Variants in PLXNB2 observed in about 807,000 individuals in gnomAD.
The protein encoded by PLXNB2 is plexin B2, also known as plexin-B2.
A neutral mutation model predicts 202.6 loss-of-function variants in PLXNB2; 85 were observed. That is an observed-to-expected ratio of 0.42 (90% CI 0.35 to 0.50). The LOEUF (loss-of-function observed/expected upper bound fraction) is 0.50, where lower values mean the gene tolerates loss of function less well. PLXNB2 is among the 20% of genes least tolerant of loss of function. The probability of loss-of-function intolerance (pLI) is 0.02; values close to 1 mark genes in which losing one functional copy is unlikely to be tolerated. For missense variants in PLXNB2, 2,063 were observed against 2,586.2 expected (o/e 0.80, Z 4.39); for synonymous variants, 1,239 against 1,137.6 (o/e 1.09, Z -1.79).
intron 1 of PLXNB2, among the ~76,000 whole-genome samples, chr22:50,298,187 G>A (rs1038837117): frequency 6.6e-6 from 1 of 152,252 alleles, no homozygotes; most frequent in Admixed American, 6.5e-5. Flanking sequence ...CAGAAGACCT[G>A]TCCCCGCAGG....
intron 1 of PLXNB2, 67 bp downstream of exon 1, chr22:50,307,486 C>G: frequency 2.3e-6 from 2 of 885,674 alleles, no homozygotes; most frequent in Non-Finnish European, 2.7e-6. Context: ...CGGAGCGGCG[C>G]TGACGGCGAA....
In PLXNB2 at chr22:50,280,473, C is replaced by T. The variant is rs1200514259; in HGVS notation, c.4175+16G>A. 6.3e-7 allele frequency: 1 copy of T among 1,589,478 alleles called. No homozygotes were observed. Among genetic ancestry groups the T allele is most frequent in the South Asian group, 1.1e-5 (1 of 89,966 alleles). On this transcript the variant is annotated intron_variant, in intron 25 of 36. Transcript: ENST00000359337. ...GCCCCGCCCGTGGCCCCGCTCGTGG[C>T]CCCGCCCATGTGCACCTGCGCAGCA... is the stretch of plus-strand genomic sequence containing the variant.
At position 50,302,537 on chromosome 22, in the gene PLXNB2, G is replaced by A. The variant is rs147612116; in HGVS notation, c.-74+5016C>T. Among the ~76,000 whole-genome samples the A allele has an allele frequency of 2.6e-4, 40 of 152,226 alleles. No homozygotes were observed. The East Asian group carries it at 4.7e-3, about 18-fold the overall frequency. On this transcript the variant is annotated intron_variant, in intron 1 of 36. Transcript: ENST00000359337. ...ATGTGGAACTGGGGGACCCTCCAGC[G>A]AGCTTTGCTGGGCCTGGGCGGCCTG...
At chr22:50,299,242 G>A (rs1413956567) in intron 1 of PLXNB2, among the ~76,000 whole-genome samples, 10 of 151,624 alleles carry the variant, frequency 6.6e-5, no homozygotes, top group Admixed American at 6.6e-4. Context: ...AGAGGTCCTA[G>A]GGCTGTGCGG....
At chr22:50,301,485 C>T (rs2067680408) in intron 1 of PLXNB2, 2 of 722,094 alleles carry the variant, frequency 2.8e-6, no homozygotes, top group Non-Finnish European at 3.4e-6. Flanking sequence ...CAGGCGGCCA[C>T]GGAGGGACTC....
chr22:50,277,592 C>G lies in PLXNB2; in HGVS notation c.5195G>C (p.Arg1732Pro). ...CAGACCTGCCCCCACCCCACTCACGCGGCTCAGCTTATGCTCCGTGCGCGT... is the reference window on the plus strand; with the variant it reads ...CAGACCTGCCCCCACCCCACTCACGGGGCTCAGCTTATGCTCCGTGCGCGT... Reference protein sequence around the residue: ...ACTRTEHKLSRDSPSNKLLYA... With the variant: ...ACTRTEHKLSPDSPSNKLLYA... Residue 1732 changes from arginine (R) to proline (P), a missense_variant and splice_region_variant, in exon 33 of 37, where the codon CGC (arginine) becomes CCC (proline). By Grantham distance (103) the Arg-to-Pro change is moderately radical. This residue lies in a region of PLXNB2 where 760 missense variants were observed against 1,109.4 expected (regional missense o/e 0.69). Transcript: ENST00000359337. 1 of 1,565,302 alleles carries G rather than the reference C, an allele frequency of 6.4e-7. No individual in the cohort carries two copies. Among genetic ancestry groups the G allele is most frequent in the Non-Finnish European group, 8.7e-7 (1 of 1,151,668 alleles).
rs368995795 is a variant in PLXNB2, at chr22:50,289,987, A to G, written c.598T>C (p.Tyr200His). ...GCCTTGTAGGTGGCGTGGTCCGTGTAGGCTTCAAAGGCCTCCCTGCTGTCA... is the reference window on the plus strand; with the variant it reads ...GCCTTGTAGGTGGCGTGGTCCGTGTGGGCTTCAAAGGCCTCCCTGCTGTCA... Reference protein sequence around the residue: ...RTDSREAFEAYTDHATYKAGY... With the variant: ...RTDSREAFEAHTDHATYKAGY... The change falls in exon 3 of 37, where the codon TAC (tyrosine) becomes CAC (histidine). Residue 200 changes from tyrosine to histidine, a missense_variant. Physicochemically the swap from Tyr to His is moderately conservative, Grantham distance 83 (BLOSUM62 2). Around this residue, in one of 2 missense-constraint regions of PLXNB2, gnomAD observed 1,303 missense variants for 1,476.8 expected, o/e 0.88. Coordinates refer to ENST00000359337, the MANE Select transcript of PLXNB2 (RefSeq NM_012401.4). The surrounding 1 kb of genome is among the most constrained non-coding windows in gnomAD (Gnocchi z 8.0). 4 of 1,613,250 alleles carry G rather than the reference A, an allele frequency of 2.5e-6. No homozygotes were observed. The highest frequency in any genetic ancestry group is 3.4e-6 in the Non-Finnish European group (4 of 1,180,036).
chr22:50,288,072 G>C lies in PLXNB2; in HGVS notation c.1381-35C>G. The C allele has an allele frequency of 6.7e-7, 1 of 1,489,612 alleles. No homozygotes were observed. Among genetic ancestry groups the C allele is most frequent in the East Asian group, 2.5e-5 (1 of 40,512 alleles). 92.3% of individuals were successfully genotyped at this position (1,489,612 alleles called of 1,614,324 possible). ...CGGGGCCGTGAGTGGGACCACAGCAGAGGCCGCACGGGCCTTCCGCAGACC... is the reference window on the plus strand; with the variant it reads ...CGGGGCCGTGAGTGGGACCACAGCACAGGCCGCACGGGCCTTCCGCAGACC... On this transcript the variant is annotated intron_variant, in intron 5 of 36. Transcript: ENST00000359337. The surrounding 1 kb of genome is among the most constrained non-coding windows in gnomAD (Gnocchi z 5.0).
chr22:50,288,972 G>T lies in PLXNB2; in HGVS notation c.1239C>A (p.Gly413=). 1.2e-6 allele frequency: 2 copies of T among 1,608,136 alleles called. No homozygotes were observed. The highest frequency in any genetic ancestry group is 1.7e-6 in the Non-Finnish European group (2 of 1,176,188). The change falls in exon 4 of 37, where the codon GGC becomes GGA. Residue 413 remains glycine, a synonymous_variant. Coordinates refer to ENST00000359337, the MANE Select transcript of PLXNB2 (RefSeq NM_012401.4). The surrounding 1 kb of genome is among the most constrained non-coding windows in gnomAD (Gnocchi z 5.0). The part of the protein sequence containing the change: ...HTVAFLGTSD[G]RILKVYLTPD... ...GCCTGGGCCAAACCTTGAGGATCCGGCCATCAGAGGTGCCCAGAAAAGCAA... is the reference window on the plus strand; with the variant it reads ...GCCTGGGCCAAACCTTGAGGATCCGTCCATCAGAGGTGCCCAGAAAAGCAA...
At chr22:50,293,306 A>T (rs1248411220) in intron 2 of PLXNB2, among the ~76,000 whole-genome samples, 1 of 152,156 alleles carries the variant, frequency 6.6e-6, no homozygotes, top group Non-Finnish European at 1.5e-5. Context: ...CTACAGCCAC[A>T]GCCCATGGCC....
At chr22:50,293,390 C>A (rs185192622) in intron 2 of PLXNB2, among the ~76,000 whole-genome samples, 1 of 152,192 alleles carries the variant, frequency 6.6e-6, no homozygotes, top group Non-Finnish European at 1.5e-5. Context: ...CACAGCCACC[C>A]GGGGGCAGGT....
At position 50,288,736 on chromosome 22, in the gene PLXNB2, G is replaced by A; in HGVS notation, c.1380+7C>T. The A allele has an allele frequency of 6.2e-7, 1 of 1,612,708 alleles. No homozygotes were observed. The highest frequency in any genetic ancestry group is 8.5e-7 in the Non-Finnish European group (1 of 1,179,890). ...TAGAGTGCTCTCCGGGGCTGCGTCT[G>A]GCTCACCTTGTCCTGGGTCATGGCG... On this transcript the variant is annotated splice_region_variant and intron_variant, in intron 5 of 36. Coordinates refer to ENST00000359337, the MANE Select transcript of PLXNB2 (RefSeq NM_012401.4). The surrounding 1 kb of genome is among the most constrained non-coding windows in gnomAD (Gnocchi z 5.0).
chr22:50,305,347 G>A (rs189915368), intron 1 of PLXNB2, among the ~76,000 whole-genome samples: 87 of 152,318 alleles, frequency 5.7e-4, no homozygotes, highest in African/African-American at 2.0e-3. Context: ...GCCAGCTGCC[G>A]GCTCCTCCTC....
chr22:50,277,702 G>T lies in PLXNB2; in HGVS notation c.5085C>A (p.Asn1695Lys). 6.2e-7 allele frequency: 1 copy of T among 1,605,592 alleles called. No individual in the cohort carries two copies. Among genetic ancestry groups the T allele is most frequent in the Middle Eastern group, 1.7e-4 (1 of 6,044 alleles). ...CATGCACGTCAAAGATGAAGTGGGGGTTCTTGAGGATGTTCACCCAGAACC... is the reference window on the plus strand; with the variant it reads ...CATGCACGTCAAAGATGAAGTGGGGTTTCTTGAGGATGTTCACCCAGAACC... ...PLRFWVNILK[N>K]PHFIFDVHVH... The change falls in exon 33 of 37, where the codon AAC (asparagine) becomes AAA (lysine). Residue 1695 changes from asparagine to lysine, a missense_variant. Around this residue, in one of 2 missense-constraint regions of PLXNB2, gnomAD observed 760 missense variants for 1,109.4 expected, o/e 0.69. Coordinates refer to ENST00000359337, the MANE Select transcript of PLXNB2 (RefSeq NM_012401.4).
Position 50,307,594 on chromosome 22 carries a change from C to A in PLXNB2, c.-115G>T. 1 of 982,186 alleles carries A rather than the reference C, an allele frequency of 1.0e-6. No individual in the cohort carries two copies. Among genetic ancestry groups the A allele is most frequent in the African/African-American group, 1.8e-5 (1 of 56,624 alleles). The allele number at this position is 982,186 out of a possible 1,614,324, so 60.8% of individuals were successfully genotyped here. ...AAGGCTCGATGGCGCCCGGGCCGCG[C>A]TCGGCGCTGCGCTCTGGCCCGCGCT... On this transcript the variant is annotated 5_prime_UTR_variant, in exon 1 of 37. Transcript: ENST00000359337.
At chr22:50,279,604 T>C (rs2065848513) in intron 27 of PLXNB2, 26 bp downstream of exon 27, 1 of 1,611,150 alleles carries the variant, frequency 6.2e-7, no homozygotes, top group Non-Finnish European at 8.5e-7. Flanking sequence ...GAGGCGCCCA[T>C]GGCGGCCCCC....
At position 50,284,064 on chromosome 22, in the gene PLXNB2, G is replaced by A. The variant is rs1266006997; in HGVS notation, c.2263+68C>T. Reference sequence around the variant, plus strand: ...GACCTGCTCCCCACTGCGCCCACCTGTCCCCCCACCCACCGCCTTGTGCCC... The same window carrying A: ...GACCTGCTCCCCACTGCGCCCACCTATCCCCCCACCCACCGCCTTGTGCCC... On this transcript the variant is annotated intron_variant, in intron 13 of 36. Transcript: ENST00000359337. This position sits in a 1 kb window ranked among gnomAD's most constrained non-coding sequence, Gnocchi z 8.0. 8.0e-5 allele frequency: 121 copies of A among 1,516,170 alleles called. No individual in the cohort carries two copies. The highest frequency in any genetic ancestry group is 9.7e-5 in the Non-Finnish European group (110 of 1,130,038). The allele number at this position is 1,516,170 out of a possible 1,614,324, so 93.9% of individuals were successfully genotyped here.
Position 50,283,757 on chromosome 22 carries a change from C to A in PLXNB2, c.2422-7G>T. The stretch of plus-strand genomic sequence containing the variant: ...GGCCCGTCTCAGGCTGGATCTGAAA[C>A]CACAGAGCCGGGTGAGCAGGGAGGG... On this transcript the variant is annotated splice_polypyrimidine_tract_variant and splice_region_variant and intron_variant, in intron 14 of 36. Coordinates refer to ENST00000359337, the MANE Select transcript of PLXNB2 (RefSeq NM_012401.4). The A allele has an allele frequency of 6.2e-7, 1 of 1,613,138 alleles. No homozygotes were observed.
At chr22:50,295,612 G>GA (rs1371172498) in intron 1 of PLXNB2, among the ~76,000 whole-genome samples, 1 of 152,186 alleles carries the variant, frequency 6.6e-6, no homozygotes, top group Non-Finnish European at 1.5e-5. Context: ...GGGAGGCACA[G>GA]ACCCAGGGTG....
Sources: gnomAD v4.1 joint callset for allele counts (sites outside exome capture counted in the v4.1 genomes callset) on GRCh38, gnomAD v4.1.1 for gene constraint, gnomAD v4.1.1 regional missense constraint, Gnocchi (gnomAD v3.1) non-coding constraint, MANE v1.5 for transcripts, NCBI Gene and HGNC (gene_info 2026-07-23, HGNC 2026-07-21) for gene names.